Variants in NCK1 observed in about 807,000 individuals in gnomAD.
NCK1 encodes SH2/SH3 adapter protein NCK1.
Under a neutral mutation model 36.6 loss-of-function variants are expected in NCK1, and 19 were observed. The observed-to-expected ratio is 0.52, with a 90% CI of 0.36 to 0.76. NCK1 has a LOEUF of 0.76. Ranked by LOEUF, NCK1 falls within the 30% of genes least tolerant of loss-of-function variation. NCK1 has a pLI of 0.00. For missense variants in NCK1, 358 were observed against 445.6 expected (o/e 0.80, Z 1.77); for synonymous variants, 165 against 156.0 (o/e 1.06, Z -0.43).
intron 1 of NCK1, among the ~76,000 whole-genome samples, chr3:136,911,317 G>A (rs1303466331): frequency 2.0e-5 from 3 of 152,062 alleles, no homozygotes; most frequent in Non-Finnish European, 4.4e-5. Context: ...AGTTTTTTGA[G>A]GACCCTCCAT....
rs769898121 is a variant in NCK1 at position 136,946,175 on chromosome 3, C to T, written c.819C>T (p.Leu273=). 2.5e-6 allele frequency: 4 copies of T among 1,613,378 alleles called. No individual in the cohort carries two copies. The highest frequency in any genetic ancestry group is 3.4e-6 in the Non-Finnish European group (4 of 1,179,870). Reference sequence around the variant, plus strand: ...AGTGTGATTACATTAGGCCTTCACTCACTGGAAAGTTTGCTGGCAATCCTT... The same window carrying T: ...AGTGTGATTACATTAGGCCTTCACTTACTGGAAAGTTTGCTGGCAATCCTT... ...PPQCDYIRPS[L]TGKFAGNPWY... The change falls in exon 3 of 4, where the codon CTC becomes CTT. Residue 273 remains leucine (L), a synonymous_variant. Coordinates refer to ENST00000481752, the MANE Select transcript of NCK1 (RefSeq NM_001291999.2).
chr3:136,921,194 C>T (rs1445186382), intron 1 of NCK1, among the ~76,000 whole-genome samples: 1 of 152,150 alleles, frequency 6.6e-6, no homozygotes, highest in Non-Finnish European at 1.5e-5. Context: ...AAACTCTGTA[C>T]CCATTAAACA....
chr3:136,928,851 GCCT>G (rs1437909322), intron 2 of NCK1: 4 of 145,332 alleles, frequency 2.8e-5, no homozygotes, highest in Non-Finnish European at 6.0e-5. Context: ...GCAAGGAATG[GCCT>G]CTTCTTTAAA....
At chr3:136,897,593 T>C (rs1273210986) in intron 1 of NCK1, among the ~76,000 whole-genome samples, 1 of 152,226 alleles carries the variant, frequency 6.6e-6, no homozygotes, top group Non-Finnish European at 1.5e-5. Context: ...TTTTTGTTTT[T>C]GTTGTTTGAG....
chr3:136,867,770 A>T (rs1938492612), intron 1 of NCK1, among the ~76,000 whole-genome samples: 1 of 152,162 alleles, frequency 6.6e-6, no homozygotes, highest in African/African-American at 2.4e-5. Flanking sequence ...TGATCTTCTG[A>T]CGCAAGTTCT....
intron 1 of NCK1, among the ~76,000 whole-genome samples, chr3:136,884,609 T>C (rs1169251167): frequency 6.6e-6 from 1 of 152,080 alleles, no homozygotes; most frequent in African/African-American, 2.4e-5. Context: ...CCCGGCTAAT[T>C]TCTGTATTTT....
chr3:136,939,852 TTTTTTTTTTTA>T (rs1313937129), intron 2 of NCK1, among the ~76,000 whole-genome samples: 21 of 59,306 alleles, frequency 3.5e-4, no homozygotes, highest in Middle Eastern at 7.4e-3. Flanking sequence ...TTTTTTTTTT[TTTTTTTTTTTA>T]AAATAGAGAC....
intron 1 of NCK1, among the ~76,000 whole-genome samples, chr3:136,869,864 A>T (rs993516259): frequency 5.3e-5 from 8 of 152,164 alleles, no homozygotes; most frequent in African/African-American, 1.9e-4. Flanking sequence ...AAACCTGTTA[A>T]AACACTGATT....
At chr3:136,936,624 C>T (rs952557583) in intron 2 of NCK1, among the ~76,000 whole-genome samples, 1 of 152,186 alleles carries the variant, frequency 6.6e-6, no homozygotes, top group Non-Finnish European at 1.5e-5. Context: ...TCCAGTTTCT[C>T]CATATCCTTG....
chr3:136,926,082 T>A (rs892672696), intron 1 of NCK1, among the ~76,000 whole-genome samples: 1 of 152,198 alleles, frequency 6.6e-6, no homozygotes, highest in African/African-American at 2.4e-5. Flanking sequence ...TAGCTAATGA[T>A]GAATACCTTT....
intron 1 of NCK1, among the ~76,000 whole-genome samples, chr3:136,880,392 C>T (rs1335047749): frequency 6.6e-6 from 1 of 152,010 alleles, no homozygotes; most frequent in African/African-American, 2.4e-5. Flanking sequence ...GACTTCGGGC[C>T]TTTTAAAAAA....
At chr3:136,869,021 T>C (rs1938530350) in intron 1 of NCK1, among the ~76,000 whole-genome samples, 1 of 151,832 alleles carries the variant, frequency 6.6e-6, no homozygotes, top group African/African-American at 2.4e-5. Flanking sequence ...GCGGAGCCCC[T>C]GAGTCCAGGA....
At chr3:136,926,199 A>G (rs1940231509) in intron 1 of NCK1, among the ~76,000 whole-genome samples, 1 of 147,670 alleles carries the variant, frequency 6.8e-6, no homozygotes, top group African/African-American at 2.5e-5. Flanking sequence ...AACTTTTCTA[A>G]CTGCTTAAGA....
At chr3:136,929,669 C>G (rs1940342177) in intron 2 of NCK1, among the ~76,000 whole-genome samples, 1 of 152,014 alleles carries the variant, frequency 6.6e-6, no homozygotes, top group Non-Finnish European at 1.5e-5. Context: ...AGAAAGTATG[C>G]CTCATAGTGA....
chr3:136,864,967 T>A (rs1382006788), intron 1 of NCK1, among the ~76,000 whole-genome samples: 17 of 148,094 alleles, frequency 1.1e-4, no homozygotes. Flanking sequence ...TTTTGTTTGT[T>A]TTTTTTTTTG....
At chr3:136,919,918 G>C (rs1940061787) in intron 1 of NCK1, among the ~76,000 whole-genome samples, 1 of 152,096 alleles carries the variant, frequency 6.6e-6, no homozygotes, top group Admixed American at 6.5e-5. Context: ...ACAATTTCCT[G>C]CTTCTGATAA....
intron 2 of NCK1, among the ~76,000 whole-genome samples, chr3:136,941,108 TTC>T (rs1318420298): frequency 7.6e-6 from 1 of 130,748 alleles, no homozygotes; most frequent in Non-Finnish European, 1.5e-5. Context: ...CTTTTGTGAT[TTC>T]TTTTTCTTTT....
In NCK1 at chr3:136,893,178, G is replaced by GTGTGTA. The variant is rs1249245313; in HGVS notation, c.-19+30826_-19+30827insGTGTAT. Among the ~76,000 whole-genome samples, 53 of 34,650 alleles carry GTGTGTA rather than the reference G, an allele frequency of 1.5e-3. 8 individuals are homozygous for GTGTGTA. The highest frequency in any genetic ancestry group is 4.4e-3 in the African/African-American group (45 of 10,128). 22.7% of individuals were successfully genotyped at this position (34,650 alleles called of 152,430 possible). On this transcript the variant is annotated intron_variant, in intron 1 of 3. Transcript: ENST00000481752. ...TGTGTGTGTGTGTGTGTGTGTGTGT[G>GTGTGTA]TATATATATATATACACACATGTGC... is the stretch of plus-strand genomic sequence containing the variant.
At chr3:136,918,409 TTTA>T (rs1234104261) in intron 1 of NCK1, among the ~76,000 whole-genome samples, 1 of 152,094 alleles carries the variant, frequency 6.6e-6, no homozygotes, top group Admixed American at 6.6e-5. Context: ...CTATTCACAT[TTTA>T]TTATATTAGG....
Sources: gnomAD v4.1 joint callset for allele counts (sites outside exome capture counted in the v4.1 genomes callset) on GRCh38, gnomAD v4.1.1 for gene constraint, MANE v1.5 for transcripts, NCBI Gene and HGNC (gene_info 2026-07-23, HGNC 2026-07-21) for gene names.